The following MAP3K21 variants were observed in gnomAD, a reference collection of about 807,000 sequenced individuals.
The protein encoded by MAP3K21 is mitogen-activated protein kinase kinase kinase 21.
A neutral mutation model predicts 86.1 loss-of-function variants in MAP3K21; 63 were observed. The ratio of observed to expected loss-of-function variants is 0.73; its 90% CI spans 0.60 to 0.90. The LOEUF is 0.90. Among genes scored for constraint, MAP3K21 ranks in the 40% least tolerant of loss-of-function variants. The pLI, the probability that MAP3K21 is intolerant of heterozygous loss-of-function variation, is 0.00. For missense variants in MAP3K21, 1,220 were observed against 1,367.7 expected (o/e 0.89, Z 1.70); for synonymous variants, 558 against 564.8 (o/e 0.99, Z 0.17).
chr1:233,346,773 C>T (rs1268804131), intron 2 of MAP3K21, 151 bp downstream of exon 2: 44 of 687,632 alleles, frequency 6.4e-5, no homozygotes, highest in South Asian at 6.2e-4. Flanking sequence ...GTAATGACAA[C>T]GGAACAGATA....
rs1663859592 is a variant in MAP3K21, at chr1:233,379,272, G to A, written c.2266G>A (p.Glu756Lys). 5 of 1,614,240 alleles carry A rather than the reference G, an allele frequency of 3.1e-6. No individual in the cohort carries two copies. The highest frequency in any genetic ancestry group is 1.3e-5 in the African/African-American group (1 of 75,066). The stretch of plus-strand genomic sequence containing the variant: ...TGCTGAAGAACCGTTGCCCAAGGAA[G>A]AGAAGAAGAAACGAGAGGGAATCTT... ...QAAEEPLPKEEKKKREGIFQR... is the reference protein window; with the variant it reads ...QAAEEPLPKEKKKKREGIFQR... Residue 756 changes from glutamate (E) to lysine (K), a missense_variant, in exon 9 of 10, where the codon GAG becomes AAG. By Grantham distance (56) the Glu-to-Lys change is moderately conservative (BLOSUM62 1). Coordinates refer to ENST00000366624, the MANE Select transcript of MAP3K21 (RefSeq NM_032435.3).
In MAP3K21 at chr1:233,328,823, G is replaced by A. The variant is rs765234578; in HGVS notation, c.795G>A (p.Lys265=). The A allele has an allele frequency of 1.9e-5, 29 of 1,523,310 alleles. No individual in the cohort carries two copies. In the South Asian group the frequency reaches 3.2e-4, roughly 17 times the overall value. The allele number at this position is 1,523,310 out of a possible 1,614,324, so 94.4% of individuals were successfully genotyped here. A position where few individuals can be genotyped will look rare whatever the true frequency, so the allele number is the denominator to read the frequency against. ...TGCCCATCCTGCACCGGGACCTCAA[G>A]TCCAGCAACAGTAAGTGGGGCCAGA... ...AFVPILHRDL[K]SSNILLLEKI... Residue 265 remains lysine (K), a synonymous_variant, in exon 1 of 10, where the codon AAG becomes AAA. Transcript: ENST00000366624. The surrounding 1 kb of genome is among the most constrained non-coding windows in gnomAD (Gnocchi z 8.7).
intron 6 of MAP3K21, chr1:233,372,378 TGG>T (rs1663703078): frequency 2.1e-6 from 1 of 486,842 alleles, no homozygotes; most frequent in African/African-American, 1.9e-5. Flanking sequence ...GCTATGCAGT[TGG>T]TGATGCGACC....
intron 5 of MAP3K21, among the ~76,000 whole-genome samples, chr1:233,369,568 G>A (rs960488124): frequency 3.3e-5 from 5 of 152,086 alleles, no homozygotes; most frequent in Non-Finnish European, 4.4e-5. Context: ...GCCCAATCCC[G>A]CCTCTACCCG....
rs1663801157 is a variant in MAP3K21 at position 233,376,508 on chromosome 1, A to G, written c.1905A>G (p.Ser635=). Residue 635 remains serine, a synonymous_variant, in exon 8 of 10, where the codon TCA becomes TCG. Coordinates refer to ENST00000366624, the MANE Select transcript of MAP3K21 (RefSeq NM_032435.3). ...IKNQKTMPLA[S]LFVDQPGSCE... Reference sequence around the variant, plus strand: ...ATCAGAAAACCATGCCCTTGGCTTCATTGTTTGTGGACCAGCCAGGTAAAT... The same window carrying G: ...ATCAGAAAACCATGCCCTTGGCTTCGTTGTTTGTGGACCAGCCAGGTAAAT... 1.9e-6 allele frequency: 3 copies of G among 1,613,090 alleles called. No homozygotes were observed. Among genetic ancestry groups the G allele is most frequent in the Admixed American group, 3.3e-5 (2 of 59,914 alleles).
rs753212647 is a variant in MAP3K21, at chr1:233,379,534, C to T, written c.2528C>T (p.Pro843Leu). The change falls in exon 9 of 10, where the codon CCA becomes CTA. Residue 843 changes from proline (P) to leucine (L), a missense_variant. Pro to Leu is a moderately conservative substitution (Grantham distance 98). Around this residue, in one of 5 missense-constraint regions of MAP3K21, gnomAD observed 632 missense variants for 691.3 expected, o/e 0.91. Coordinates refer to ENST00000366624, the MANE Select transcript of MAP3K21 (RefSeq NM_032435.3). ...ACTCCGGATTTTTGTCCCACTGCCC[C>T]AGGAAGTGGTCGTGAGCCAGCCCTC... ...MLTPDFCPTA[P>L]GSGREPALMP... 6.2e-7 allele frequency: 1 copy of T among 1,614,192 alleles called. No homozygotes were observed.
At chr1:233,377,353 G>C (rs1308469748) in intron 8 of MAP3K21, among the ~76,000 whole-genome samples, 3 of 152,148 alleles carry the variant, frequency 2.0e-5, no homozygotes, top group Non-Finnish European at 4.4e-5. Context: ...TCAAATTAAA[G>C]ATGCCTTAGC....
intron 9 of MAP3K21, among the ~76,000 whole-genome samples, chr1:233,380,290 T>C (rs1273325595): frequency 2.0e-5 from 3 of 152,250 alleles, no homozygotes; most frequent in African/African-American, 7.2e-5. Context: ...CCTTGACTTC[T>C]AGACGGCCGT....
At chr1:233,359,122 C>T (rs550100411) in intron 4 of MAP3K21, among the ~76,000 whole-genome samples, 41 of 152,182 alleles carry the variant, frequency 2.7e-4, no homozygotes, top group African/African-American at 8.7e-4. Flanking sequence ...CTTATTTTAA[C>T]GTATTTTAAT....
intron 2 of MAP3K21, among the ~76,000 whole-genome samples, chr1:233,351,935 C>T (rs1484268576): frequency 6.6e-6 from 1 of 152,170 alleles, no homozygotes; most frequent in Non-Finnish European, 1.5e-5. Context: ...GCCACCCATG[C>T]TGGACTGTGG....
At chr1:233,334,963 C>CTTTTTTTTTTTTTTTTTT (rs10640127) in intron 1 of MAP3K21, among the ~76,000 whole-genome samples, 1 of 146,618 alleles carries the variant, frequency 6.8e-6, no homozygotes, top group Non-Finnish European at 1.5e-5. Context: ...TTCTTTCTTT[C>CTTTTTTTTTTTTTTTTTT]TTTTTTTTTT....
intron 2 of MAP3K21, among the ~76,000 whole-genome samples, chr1:233,348,590 C>T (rs759036384): frequency 1.3e-5 from 2 of 152,066 alleles, no homozygotes; most frequent in African/African-American, 4.8e-5. Context: ...AGTGGCTGCA[C>T]CTTCTTTTTT....
intron 2 of MAP3K21, among the ~76,000 whole-genome samples, chr1:233,351,130 A>G (rs1663245577): frequency 1.3e-5 from 2 of 151,966 alleles, no homozygotes; most frequent in African/African-American, 2.4e-5. Context: ...TGAATGATCT[A>G]TGAGTTAAGT....
chr1:233,355,155 TAAAAC>T, intron 4 of MAP3K21, 144 bp downstream of exon 4: 2 of 649,076 alleles, frequency 3.1e-6, no homozygotes, highest in East Asian at 5.7e-5. Context: ...AGGTTAAAAA[TAAAAC>T]AAAAATAAAA....
rs57896561 is a variant in MAP3K21 at position 233,377,101 on chromosome 1, G to GATAA, written c.1924+595_1924+598dup. Among the ~76,000 whole-genome samples the GATAA allele has an allele frequency of 5.3e-3, 799 of 150,978 alleles. 13 individuals carry two copies. The highest frequency in any genetic ancestry group is 0.015 in the African/African-American group (625 of 41,060). ...TAGAGTGAATGAGACTCTATCTCTA[G>GATAA]ATAAATAAATAAATAAATAAATAAG... On this transcript the variant is annotated intron_variant, in intron 8 of 9. Transcript: ENST00000366624.
chr1:233,339,348 C>T (rs1662985817), intron 1 of MAP3K21, among the ~76,000 whole-genome samples: 1 of 99,364 alleles, frequency 1.0e-5, no homozygotes, highest in Admixed American at 1.4e-4. Context: ...TCTCCCTCTT[C>T]TCCCTCTTCT....
At position 233,328,952 on chromosome 1, in the gene MAP3K21, C is replaced by A; in HGVS notation, c.805+119C>A. 2 of 1,046,268 alleles carry A rather than the reference C, an allele frequency of 1.9e-6. No individual in the cohort carries two copies. The highest frequency in any genetic ancestry group is 2.5e-6 in the Non-Finnish European group (2 of 813,450). 64.8% of individuals were successfully genotyped at this position (1,046,268 alleles called of 1,614,324 possible). A position where few individuals can be genotyped will look rare whatever the true frequency, so the allele number is the denominator to read the frequency against. On this transcript the variant is annotated intron_variant, in intron 1 of 9. Coordinates refer to ENST00000366624, the MANE Select transcript of MAP3K21 (RefSeq NM_032435.3). The surrounding 1 kb of genome is among the most constrained non-coding windows in gnomAD (Gnocchi z 8.7). ...GTCAGCCTTAGGGCGCCAGCAGCAACTCATGCCCAGGCCTTCAGGGCTCGG... is the reference window on the plus strand; with the variant it reads ...GTCAGCCTTAGGGCGCCAGCAGCAAATCATGCCCAGGCCTTCAGGGCTCGG...
intron 1 of MAP3K21, among the ~76,000 whole-genome samples, chr1:233,336,476 G>A (rs1209358139): frequency 6.6e-6 from 1 of 152,032 alleles, no homozygotes; most frequent in East Asian, 1.9e-4. Context: ...AGGAGGTGGA[G>A]GTTGTAGTGA....
intron 2 of MAP3K21, among the ~76,000 whole-genome samples, chr1:233,349,014 C>T (rs911301890): frequency 4.6e-5 from 7 of 152,138 alleles, no homozygotes; most frequent in African/African-American, 1.7e-4. Flanking sequence ...TTATCTTCTG[C>T]ATTTAAAATT....
Sources: allele counts gnomAD v4.1 joint callset (sites outside exome capture counted in the v4.1 genomes callset), GRCh38; gene constraint gnomAD v4.1.1; regional missense constraint gnomAD v4.1.1; non-coding constraint Gnocchi (gnomAD v3.1); transcripts MANE v1.5; gene names NCBI Gene and HGNC (gene_info 2026-07-23, HGNC 2026-07-21).